Variants in SPIRE1 observed in about 807,000 individuals in gnomAD.
SPIRE1 encodes spire type actin nucleation factor 1.
In SPIRE1, 40 loss-of-function variants were observed where a neutral mutation model predicts 94.1. The ratio of observed to expected loss-of-function variants is 0.43; its 90% CI spans 0.33 to 0.55. SPIRE1 has a LOEUF of 0.55. Ranked by LOEUF, SPIRE1 falls within the 20% of genes least tolerant of loss-of-function variation. The pLI is 0.06. For synonymous variants in SPIRE1, 376 were observed against 371.7 expected, an observed-to-expected ratio of 1.01 and a Z score of -0.13; for missense variants, 838 against 975.2, an observed-to-expected ratio of 0.86 and a Z score of 1.87.
intron 1 of SPIRE1, among the ~76,000 whole-genome samples, chr18:12,650,570 C>T (rs747216621): frequency 2.6e-5 from 4 of 151,764 alleles, no homozygotes; most frequent in Non-Finnish European, 4.4e-5. Context: ...ATTAGCTGGG[C>T]GTGATGGCAC....
intron 1 of SPIRE1, among the ~76,000 whole-genome samples, chr18:12,638,667 A>G (rs536093564): frequency 2.0e-5 from 3 of 152,180 alleles, no homozygotes; most frequent in African/African-American, 4.8e-5. Flanking sequence ...ATAATTCTCA[A>G]TGTTAGAGGT....
chr18:12,651,893 A>C (rs1259907828), intron 1 of SPIRE1, among the ~76,000 whole-genome samples: 1 of 152,168 alleles, frequency 6.6e-6, no homozygotes, highest in East Asian at 1.9e-4. Flanking sequence ...GGATCCCTTT[A>C]TTAGTATGCA....
At chr18:12,649,147 C>A (rs528710996) in intron 1 of SPIRE1, among the ~76,000 whole-genome samples, 1 of 152,066 alleles carries the variant, frequency 6.6e-6, no homozygotes, top group Non-Finnish European at 1.5e-5. Context: ...CACAGTGGCT[C>A]GCACCTGCAA....
At chr18:12,532,084 T>G (rs960703522) in intron 4 of SPIRE1, among the ~76,000 whole-genome samples, 1 of 152,184 alleles carries the variant, frequency 6.6e-6, no homozygotes, top group African/African-American at 2.4e-5. Context: ...TCACATTGCT[T>G]AAGAGACAAA....
intron 2 of SPIRE1, among the ~76,000 whole-genome samples, chr18:12,566,686 C>G (rs887458645): frequency 6.6e-6 from 1 of 151,998 alleles, no homozygotes; most frequent in African/African-American, 2.4e-5. Context: ...TAAAGAAACT[C>G]AATAAAAGAA....
intron 2 of SPIRE1, among the ~76,000 whole-genome samples, chr18:12,611,797 G>A (rs1386176989): frequency 1.3e-5 from 2 of 151,888 alleles, no homozygotes; most frequent in African/African-American, 4.8e-5. Flanking sequence ...TGGAGTAGCT[G>A]GGACTATAGG....
chr18:12,622,153 C>T (rs1167957371), intron 2 of SPIRE1, among the ~76,000 whole-genome samples: 2 of 152,096 alleles, frequency 1.3e-5, no homozygotes, highest in African/African-American at 2.4e-5. Flanking sequence ...ATTTCTGTTC[C>T]TATGCTTACC....
chr18:12,607,650 T>C (rs954488693), intron 2 of SPIRE1, among the ~76,000 whole-genome samples: 2 of 150,556 alleles, frequency 1.3e-5, no homozygotes, highest in African/African-American at 4.9e-5. Flanking sequence ...CAGTCTCTTG[T>C]TTTCTTATTA....
At chr18:12,523,369 C>T (rs186557680) in intron 4 of SPIRE1, among the ~76,000 whole-genome samples, 2 of 152,110 alleles carry the variant, frequency 1.3e-5, no homozygotes, top group African/African-American at 2.4e-5. Context: ...TGATGCTGTG[C>T]ACATTATTGA....
chr18:12,604,584 G>A (rs2036921728), intron 2 of SPIRE1, among the ~76,000 whole-genome samples: 1 of 152,128 alleles, frequency 6.6e-6, no homozygotes, highest in Non-Finnish European at 1.5e-5. Flanking sequence ...ATGGCCTCCG[G>A]AGTTTGCCTC....
At chr18:12,510,694 C>T (rs1448165886) in intron 5 of SPIRE1, among the ~76,000 whole-genome samples, 1 of 152,052 alleles carries the variant, frequency 6.6e-6, no homozygotes, top group Non-Finnish European at 1.5e-5. Context: ...AGGTGTGCAC[C>T]ACCACACCTG....
chr18:12,519,405 A>G (rs1441364852), intron 4 of SPIRE1, among the ~76,000 whole-genome samples: 1 of 152,102 alleles, frequency 6.6e-6, no homozygotes, highest in African/African-American at 2.4e-5. Context: ...TCTCTGCTCT[A>G]TACAGCTGGA....
At chr18:12,633,327 C>G (rs1365238864) in intron 2 of SPIRE1, among the ~76,000 whole-genome samples, 1 of 152,120 alleles carries the variant, frequency 6.6e-6, no homozygotes, top group Non-Finnish European at 1.5e-5. Flanking sequence ...ATGGGCCGGG[C>G]ACAGTGGCTC....
intron 4 of SPIRE1, among the ~76,000 whole-genome samples, chr18:12,515,103 TG>T (rs943416969): frequency 6.6e-6 from 1 of 152,150 alleles, no homozygotes; most frequent in Non-Finnish European, 1.5e-5. Context: ...ACCCAAAGGC[TG>T]ATCCCACAGA....
chr18:12,567,904 T>C (rs1567939341), intron 2 of SPIRE1, among the ~76,000 whole-genome samples: 1 of 152,220 alleles, frequency 6.6e-6, no homozygotes, highest in Non-Finnish European at 1.5e-5. Flanking sequence ...AGAAATGCCA[T>C]GATCAAATAA....
At chr18:12,631,102 T>A (rs1330971322) in intron 2 of SPIRE1, among the ~76,000 whole-genome samples, 2 of 152,034 alleles carry the variant, frequency 1.3e-5, no homozygotes, top group African/African-American at 4.8e-5. Flanking sequence ...ACCTCCCTAT[T>A]CTGTTTCTTA....
intron 9 of SPIRE1, among the ~76,000 whole-genome samples, 200 bp from the exon 10 acceptor site, chr18:12,480,071 T>G (rs1399144695): frequency 6.6e-6 from 1 of 152,208 alleles, no homozygotes; most frequent in Non-Finnish European, 1.5e-5. Context: ...AATAATTACA[T>G]ATTCATACTT....
At chr18:12,572,710 C>T (rs984634586) in intron 2 of SPIRE1, among the ~76,000 whole-genome samples, 1 of 152,168 alleles carries the variant, frequency 6.6e-6, no homozygotes, top group Non-Finnish European at 1.5e-5. Context: ...ACAGAGTACA[C>T]AGCCGAGAAA....
chr18:12,642,587 G>T (rs1055865035), intron 1 of SPIRE1, among the ~76,000 whole-genome samples: 1 of 152,226 alleles, frequency 6.6e-6, no homozygotes, highest in Non-Finnish European at 1.5e-5. Flanking sequence ...TTCATCTCTA[G>T]TGCCAATTCT....
Sources: allele counts gnomAD v4.1 joint callset (sites outside exome capture counted in the v4.1 genomes callset), GRCh38; gene constraint gnomAD v4.1.1; transcripts MANE v1.5; gene names NCBI Gene and HGNC (gene_info 2026-07-23, HGNC 2026-07-21).